GNG7: variants seen among roughly 807,000 people sequenced by gnomAD.
The protein encoded by GNG7 is guanine nucleotide-binding protein G(I)/G(S)/G(O) subunit gamma-7.
In GNG7, 1 loss-of-function variant was observed where a neutral mutation model predicts 4.0. The ratio of observed to expected loss-of-function variants is 0.25; its 90% CI spans 0.09 to 1.18. The LOEUF (loss-of-function observed/expected upper bound fraction) is 1.18. Among genes scored for constraint, GNG7 ranks in the 50% most tolerant of loss-of-function variants. The pLI is 0.50. For synonymous variants in GNG7, 34 were observed against 36.9 expected, an observed-to-expected ratio of 0.92 and a Z score of 0.29; for missense variants, 86 against 91.9, an observed-to-expected ratio of 0.94 and a Z score of 0.26.
chr19:2,603,309 C>T (rs947638629), intron 2 of GNG7, among the ~76,000 whole-genome samples: 3 of 152,214 alleles, frequency 2.0e-5, no homozygotes, highest in African/African-American at 7.2e-5. Flanking sequence ...TCGTGATCCA[C>T]CCGCCTCGGC....
At chr19:2,670,245 G>C (rs1457904693) in intron 1 of GNG7, among the ~76,000 whole-genome samples, 2 of 152,146 alleles carry the variant, frequency 1.3e-5, no homozygotes, top group African/African-American at 2.4e-5. Flanking sequence ...TGGCCACGGA[G>C]ACCCACCCTC....
rs748797476 is a variant in GNG7, at chr19:2,617,240, A to G, written c.-78+28984T>C. ...TCGTGACAACCACAGATGTCCCCAG[A>G]TATCACCCAGAGTCCCCTGGAGGCA... On this transcript the variant is annotated intron_variant, in intron 2 of 4. Coordinates refer to ENST00000382159, the MANE Select transcript of GNG7 (RefSeq NM_052847.3). The surrounding 1 kb of genome is among the most constrained non-coding windows in gnomAD (Gnocchi z 4.7). Among the ~76,000 whole-genome samples, 4 of 152,132 alleles carry G rather than the reference A, an allele frequency of 2.6e-5. No homozygotes were observed. Among genetic ancestry groups the G allele is most frequent in the Non-Finnish European group, 5.9e-5 (4 of 68,022 alleles).
chr19:2,534,820 G>C (rs903376296), intron 3 of GNG7, among the ~76,000 whole-genome samples: 1 of 152,198 alleles, frequency 6.6e-6, no homozygotes, highest in African/African-American at 2.4e-5. Flanking sequence ...CCAAAGGCTG[G>C]AAAAACCTAT....
At chr19:2,568,825 C>A (rs142540690) in intron 2 of GNG7, among the ~76,000 whole-genome samples, 1 of 151,986 alleles carries the variant, frequency 6.6e-6, no homozygotes, top group African/African-American at 2.4e-5. Context: ...CATATACACA[C>A]AAATATATAC....
intron 1 of GNG7, among the ~76,000 whole-genome samples, chr19:2,696,335 AAAGAAAGAAAGAAAAGAAAGAAAAG>A (rs1309022011): frequency 1.9e-4 from 27 of 139,012 alleles, no homozygotes; most frequent in African/African-American, 7.1e-4. Flanking sequence ...AGAAAGAAAG[AAAGAAAGAAAGAAAAGAAAGAAAAG>A]AAAGAAAGAA....
rs562386106 is a variant in GNG7, at chr19:2,702,327, A to G, written c.-135+319T>C. Among the ~76,000 whole-genome samples, 23 of 144,494 alleles carry G rather than the reference A, an allele frequency of 1.6e-4. No individual in the cohort carries two copies. In the South Asian group the frequency reaches 3.1e-3, roughly 20 times the overall value. The allele number at this position is 144,494 out of a possible 152,430, so 94.8% of individuals were successfully genotyped here. A position where few individuals can be genotyped will look rare whatever the true frequency, so the allele number is the denominator to read the frequency against. On this transcript the variant is annotated intron_variant, in intron 1 of 4. Transcript: ENST00000382159. ...CCCAATCCTTCCCCAGCTAACCTCG[A>G]TCTGCACCCCCTGCCCCGTCCCCAG...
At chr19:2,605,507 CTTTTTTT>C (rs10602276) in intron 2 of GNG7, among the ~76,000 whole-genome samples, 15 of 62,422 alleles carry the variant, frequency 2.4e-4, no homozygotes, top group Admixed American at 1.9e-3. Flanking sequence ...CCAAATCTCA[CTTTTTTT>C]TTTTTTTTTT....
intron 2 of GNG7, among the ~76,000 whole-genome samples, chr19:2,568,126 G>T (rs183093400): frequency 4.8e-5 from 7 of 144,410 alleles, no homozygotes; most frequent in Non-Finnish European, 9.1e-5. Context: ...CACACATATA[G>T]ACATACACAC....
intron 3 of GNG7, among the ~76,000 whole-genome samples, chr19:2,553,642 T>C (rs1009850387): frequency 4.2e-5 from 4 of 94,184 alleles, no homozygotes; most frequent in Non-Finnish European, 9.4e-5. Flanking sequence ...ACATGTAATA[T>C]GTTATATTAC....
chr19:2,613,468 C>A (rs1981630879), intron 2 of GNG7, among the ~76,000 whole-genome samples: 1 of 151,268 alleles, frequency 6.6e-6, no homozygotes, highest in African/African-American at 2.5e-5. Flanking sequence ...CCCGACGGGG[C>A]AGATGGCATA....
At chr19:2,638,213 G>A (rs971347586) in intron 2 of GNG7, among the ~76,000 whole-genome samples, 4 of 150,566 alleles carry the variant, frequency 2.7e-5, no homozygotes, top group African/African-American at 9.8e-5. Flanking sequence ...ATATACAAAA[G>A]TTAGCCGGGC....
intron 3 of GNG7, among the ~76,000 whole-genome samples, chr19:2,545,552 G>A (rs1018113917): frequency 2.6e-5 from 4 of 151,282 alleles, no homozygotes; most frequent in African/African-American, 9.7e-5. Flanking sequence ...TCAGGAGGCT[G>A]AGGCAGGAGA....
At chr19:2,548,498 A>ACG (rs1568239088) in intron 3 of GNG7, among the ~76,000 whole-genome samples, 7 of 148,312 alleles carry the variant, frequency 4.7e-5, no homozygotes, top group African/African-American at 1.8e-4. Flanking sequence ...AAAAAAAAAA[A>ACG]AAAAACCTAG....
intron 2 of GNG7, among the ~76,000 whole-genome samples, chr19:2,602,837 C>T (rs1037236429): frequency 1.3e-5 from 2 of 152,092 alleles, no homozygotes; most frequent in Admixed American, 6.6e-5. Flanking sequence ...GGGCTCACTG[C>T]GGCTCTGCAA....
chr19:2,616,052 C>CT (rs1981715664), intron 2 of GNG7, among the ~76,000 whole-genome samples: 1 of 152,174 alleles, frequency 6.6e-6, no homozygotes, highest in Admixed American at 6.5e-5. Context: ...ATGGAAAAAA[C>CT]ACCCAGTAGC....
chr19:2,557,345 GCACA>G lies in GNG7; in HGVS notation c.-77-2161_-77-2158del, dbSNP rs750156881. Among the ~76,000 whole-genome samples, 12 of 151,034 alleles carry G rather than the reference GCACA, an allele frequency of 7.9e-5. No individual in the cohort carries two copies. Among genetic ancestry groups the G allele is most frequent in the Admixed American group, 2.0e-4 (3 of 15,162 alleles). Reference sequence around the variant, plus strand: ...CATGTGCACACAGACACACACATGTGCACACACACAGACACACACACACGTGCAC... The same window carrying G: ...CATGTGCACACAGACACACACATGTGCACACAGACACACACACACGTGCAC... On this transcript the variant is annotated intron_variant, in intron 2 of 4. Transcript: ENST00000382159. This position sits in a 1 kb window ranked among gnomAD's most constrained non-coding sequence, Gnocchi z 5.1.
intron 2 of GNG7, among the ~76,000 whole-genome samples, chr19:2,569,131 G>A (rs1599396875): frequency 2.0e-5 from 3 of 151,920 alleles, no homozygotes; most frequent in East Asian, 3.9e-4. Context: ...ACCCACAGGT[G>A]CGCGCACACA....
chr19:2,603,158 C>T (rs897369677), intron 2 of GNG7, among the ~76,000 whole-genome samples: 3 of 152,076 alleles, frequency 2.0e-5, no homozygotes, highest in South Asian at 4.1e-4. Flanking sequence ...CCTCCGCCTC[C>T]CGGGTTCAAG....
intron 1 of GNG7, among the ~76,000 whole-genome samples, chr19:2,682,655 CAAA>C (rs745799326): frequency 4.7e-5 from 3 of 64,352 alleles, no homozygotes; most frequent in African/African-American, 1.5e-4. Flanking sequence ...GACTCCATCT[CAAA>C]AAAAAAAAAA....
Sources: gnomAD v4.1 joint callset for allele counts (sites outside exome capture counted in the v4.1 genomes callset) on GRCh38, gnomAD v4.1.1 for gene constraint, Gnocchi (gnomAD v3.1) non-coding constraint, MANE v1.5 for transcripts, NCBI Gene and HGNC (gene_info 2026-07-23, HGNC 2026-07-21) for gene names.